KCNB2: variants seen among roughly 807,000 people sequenced by gnomAD.
KCNB2 encodes the protein delayed rectifier potassium channel protein.
KCNB2 carries 15 observed loss-of-function variants against 61.5 expected under a neutral mutation model. The ratio of observed to expected loss-of-function variants is 0.24; its 90% CI spans 0.16 to 0.38. The LOEUF is 0.38. Among genes scored for constraint, KCNB2 ranks in the 10% least tolerant of loss-of-function variants. The pLI is 1.00. For missense variants in KCNB2, 828 were observed against 1,125.2 expected (o/e 0.74, Z 3.78); for synonymous variants, 457 against 446.0 (o/e 1.02, Z -0.31).
chr8:72,665,833 C>G (rs745363263), intron 2 of KCNB2, among the ~76,000 whole-genome samples: 2 of 152,260 alleles, frequency 1.3e-5, no homozygotes, highest in African/African-American at 4.8e-5. Context: ...CCAAAACAGA[C>G]TAGCTGCCTC....
chr8:72,882,519 T>TGGAGAGAGAGAGAGAGAGAGAGAGAG (rs1805729766), intron 2 of KCNB2, among the ~76,000 whole-genome samples: 1 of 38,110 alleles, frequency 2.6e-5, no homozygotes, highest in Non-Finnish European at 5.8e-5. Context: ...CTGCTGACAG[T>TGGAGAGAGAGAGAGAGAGAGAGAGAG]TGAGAGAGAG....
intron 2 of KCNB2, among the ~76,000 whole-genome samples, chr8:72,860,379 T>C (rs1414139614): frequency 6.6e-6 from 1 of 152,246 alleles, no homozygotes; most frequent in African/African-American, 2.4e-5. Flanking sequence ...TCCTAGTAGA[T>C]GTGAAATGGT....
At chr8:72,752,037 G>A (rs140254193) in intron 2 of KCNB2, among the ~76,000 whole-genome samples, 1 of 152,316 alleles carries the variant, frequency 6.6e-6, no homozygotes, top group Non-Finnish European at 1.5e-5. Context: ...AAATGATTGG[G>A]TAGCCCAGTG....
At chr8:72,694,283 A>C (rs913656900) in intron 2 of KCNB2, among the ~76,000 whole-genome samples, 4 of 152,198 alleles carry the variant, frequency 2.6e-5, no homozygotes, top group Non-Finnish European at 4.4e-5. Context: ...GTGAGTTTGC[A>C]TGTGAGACGT....
At chr8:72,716,892 A>G (rs1807453261) in intron 2 of KCNB2, among the ~76,000 whole-genome samples, 2 of 152,116 alleles carry the variant, frequency 1.3e-5, no homozygotes, top group African/African-American at 2.4e-5. Flanking sequence ...TGCAGATGAC[A>G]TGATTGTATA....
At chr8:72,714,640 T>C in intron 2 of KCNB2, among the ~76,000 whole-genome samples, 1 of 152,144 alleles carries the variant, frequency 6.6e-6, no homozygotes, top group Non-Finnish European at 1.5e-5. Flanking sequence ...AGGCCTGCCC[T>C]ACGAGAGCTC....
At chr8:72,691,112 A>C (rs986800895) in intron 2 of KCNB2, among the ~76,000 whole-genome samples, 11 of 152,316 alleles carry the variant, frequency 7.2e-5, no homozygotes, top group African/African-American at 2.4e-4. Context: ...TTTTGAATTA[A>C]GTGTTTATAT....
At chr8:72,899,893 G>T (rs1806058668) in intron 2 of KCNB2, among the ~76,000 whole-genome samples, 4 of 152,116 alleles carry the variant, frequency 2.6e-5, no homozygotes, top group Admixed American at 2.6e-4. Flanking sequence ...AAACAGGCCA[G>T]TTGTCATGGG....
chr8:72,632,584 G>GCAT (rs1241153294), intron 2 of KCNB2, among the ~76,000 whole-genome samples: 3 of 152,168 alleles, frequency 2.0e-5, no homozygotes, highest in Non-Finnish European at 4.4e-5. Context: ...AAGCAGACAG[G>GCAT]CATCATGCTG....
rs1309439930 is a variant in KCNB2 at position 72,567,800 on chromosome 8, A to C, written c.66A>C (p.Pro22=). ...CAAGGTCGACACTTTCCCTTCCTCCAGAGCCTGTGGACATTATCCGGAGCA... is the reference window on the plus strand; with the variant it reads ...CAAGGTCGACACTTTCCCTTCCTCCCGAGCCTGTGGACATTATCCGGAGCA... ...KTSRSTLSLP[P]EPVDIIRSKT... The change falls in exon 2 of 3, where the codon CCA becomes CCC. Residue 22 remains proline, a synonymous_variant. Transcript: ENST00000523207. 1 of 1,612,098 alleles carries C rather than the reference A, an allele frequency of 6.2e-7. No individual in the cohort carries two copies. Among genetic ancestry groups the C allele is most frequent in the African/African-American group, 1.3e-5 (1 of 74,730 alleles).
chr8:72,574,383 A>G (rs184540695), intron 2 of KCNB2, among the ~76,000 whole-genome samples: 36 of 152,334 alleles, frequency 2.4e-4, no homozygotes, highest in Non-Finnish European at 4.1e-4. Context: ...GGTTATGGAG[A>G]TAGTCCTGGC....
intron 2 of KCNB2, among the ~76,000 whole-genome samples, chr8:72,756,842 G>T (rs1424516207): frequency 6.6e-6 from 1 of 152,150 alleles, no homozygotes; most frequent in East Asian, 1.9e-4. Context: ...GGGAGTCAAA[G>T]AGGGGTCTAG....
In KCNB2 at chr8:72,561,713, ATATATATATATATATC is replaced by A. The variant is rs1563523350; in HGVS notation, c.-93-5923_-93-5908del. Among the ~76,000 whole-genome samples the A allele has an allele frequency of 3.8e-4, 9 of 23,956 alleles. 1 individual carries two copies. The highest frequency in any genetic ancestry group is 2.5e-3 in the African/African-American group (9 of 3,604). 15.7% of individuals were successfully genotyped at this position (23,956 alleles called of 152,430 possible). A position where few individuals can be genotyped will look rare whatever the true frequency, so the allele number is the denominator to read the frequency against. ...CTTTTATATATATATATATATATAT[ATATATATATATATATC>A]TATATCTATATATATATGTATATAT... On this transcript the variant is annotated intron_variant, in intron 1 of 2. Transcript: ENST00000523207.
intron 2 of KCNB2, among the ~76,000 whole-genome samples, chr8:72,846,900 A>G (rs982628562): frequency 5.9e-5 from 9 of 152,206 alleles, no homozygotes; most frequent in Non-Finnish European, 2.9e-5. Flanking sequence ...CAGCCATCCC[A>G]TTACTAGGTA....
At chr8:72,628,179 C>A (rs1805821772) in intron 2 of KCNB2, among the ~76,000 whole-genome samples, 1 of 152,162 alleles carries the variant, frequency 6.6e-6, no homozygotes. Context: ...CTCTCAAACT[C>A]CTGGCCTCAT....
rs138364070 is a variant in KCNB2, at chr8:72,561,306, G to A, written c.-93-6336G>A. Among the ~76,000 whole-genome samples the A allele has an allele frequency of 7.3e-4, 111 of 151,920 alleles. 1 individual carries two copies. In the East Asian group the frequency reaches 0.015, roughly 20 times the overall value. On this transcript the variant is annotated intron_variant, in intron 1 of 2. Transcript: ENST00000523207. The stretch of plus-strand genomic sequence containing the variant: ...TGAGTAGCTGGGACTACAGGTGTGC[G>A]CCACCACTCCCAGATAATTTTTGTA...
chr8:72,796,482 C>T (rs899467676), intron 2 of KCNB2, among the ~76,000 whole-genome samples: 18 of 152,076 alleles, frequency 1.2e-4, no homozygotes, highest in African/African-American at 4.1e-4. Flanking sequence ...TTTATTTTAT[C>T]ATTATTTCTG....
At chr8:72,760,478 A>G (rs1394743997) in intron 2 of KCNB2, among the ~76,000 whole-genome samples, 1 of 152,160 alleles carries the variant, frequency 6.6e-6, no homozygotes, top group East Asian at 1.9e-4. Context: ...ACCTCAAACC[A>G]TCATTCCCAA....
chr8:72,841,146 T>C (rs1197345503), intron 2 of KCNB2, among the ~76,000 whole-genome samples: 1 of 152,130 alleles, frequency 6.6e-6, no homozygotes, highest in Admixed American at 6.5e-5. Flanking sequence ...CCCAACACCA[T>C]TTATTAAATG....
Sources: allele counts gnomAD v4.1 joint callset (sites outside exome capture counted in the v4.1 genomes callset), GRCh38; gene constraint gnomAD v4.1.1; transcripts MANE v1.5; gene names NCBI Gene and HGNC (gene_info 2026-07-23, HGNC 2026-07-21).